Variants in PCBP2 observed in about 807,000 individuals in gnomAD.
The protein encoded by PCBP2 is poly(rC) binding protein 2.
Under a neutral mutation model 50.1 loss-of-function variants are expected in PCBP2, and 4 were observed. The observed-to-expected ratio is 0.08, with a 90% confidence interval of 0.04 to 0.18. The LOEUF (loss-of-function observed/expected upper bound fraction) is 0.18, where lower values mean the gene tolerates loss of function less well. PCBP2 is among the 10% of genes least tolerant of loss of function. The pLI is 1.00. For synonymous variants in PCBP2, 179 were observed against 168.0 expected (o/e 1.07, Z -0.51); for missense variants, 161 against 474.3 (o/e 0.34, Z 6.14).
intron 8 of PCBP2, among the ~76,000 whole-genome samples, chr12:53,463,650 G>A (rs1026709977): frequency 6.6e-6 from 1 of 152,100 alleles, no homozygotes; most frequent in Non-Finnish European, 1.5e-5. Flanking sequence ...TTCTATGGGG[G>A]GAATCCTAGG....
chr12:53,455,147 C>G (rs757277111), intron 2 of PCBP2, among the ~76,000 whole-genome samples, 200 bp from the exon 3 acceptor site: 1 of 152,158 alleles, frequency 6.6e-6, no homozygotes, highest in Non-Finnish European at 1.5e-5. Context: ...CAAGTCCACT[C>G]CCCCCAATAA....
At chr12:53,467,157 G>C in intron 10 of PCBP2, 64 bp from the exon 11 acceptor site, 1 of 1,279,930 alleles carries the variant, frequency 7.8e-7, no homozygotes, top group Non-Finnish European at 1.1e-6. Context: ...TTTCAAATTC[G>C]AATGTGCTTG....
intron 14 of PCBP2, among the ~76,000 whole-genome samples, chr12:53,472,557 A>G (rs954741152): frequency 2.0e-5 from 3 of 152,206 alleles, no homozygotes; most frequent in Non-Finnish European, 2.9e-5. Flanking sequence ...ATTGCTTACT[A>G]ATATTTCAAA....
chr12:53,463,543 C>T (rs56810235), intron 8 of PCBP2, among the ~76,000 whole-genome samples: 3,387 of 152,114 alleles, frequency 0.022, 128 homozygotes, highest in African/African-American at 0.077. Flanking sequence ...TTATAAGTAA[C>T]CTAGAGATGA....
intron 6 of PCBP2, chr12:53,460,150 T>C (rs1031313335): frequency 8.6e-6 from 2 of 231,484 alleles, no homozygotes; most frequent in African/African-American, 4.6e-5. Flanking sequence ...TACATCTTTT[T>C]TTTTTTTTTT....
chr12:53,455,440 T>C, intron 3 of PCBP2, 21 bp from the exon 4 acceptor site: 4 of 1,614,122 alleles, frequency 2.5e-6, no homozygotes, highest in Non-Finnish European at 3.4e-6. Flanking sequence ...TTGGAGCTCA[T>C]GCTTGACTTT....
At chr12:53,468,989 G>A (rs937755207) in intron 13 of PCBP2, among the ~76,000 whole-genome samples, 157 bp downstream of exon 13, 5 of 137,452 alleles carry the variant, frequency 3.6e-5, no homozygotes, top group Non-Finnish European at 7.6e-5. Context: ...CGCAGCCTCC[G>A]CCTCCCGGGT....
chr12:53,466,317 T>G (rs1941819862), intron 10 of PCBP2, among the ~76,000 whole-genome samples: 5 of 152,232 alleles, frequency 3.3e-5, no homozygotes, highest in African/African-American at 1.2e-4. Flanking sequence ...CTTCCTTGCA[T>G]GCAGTTCTCT....
At chr12:53,479,352 G>A in intron 14 of PCBP2, 54 bp from the exon 15 acceptor site, 1 of 1,474,416 alleles carries the variant, frequency 6.8e-7, no homozygotes, top group Non-Finnish European at 9.5e-7. Context: ...AGGTAGAGAT[G>A]AGGTGCAGCT....
chr12:53,471,824 T>G lies in PCBP2; in HGVS notation c.1052+17T>G, dbSNP rs771386399. ...CAATGTCAGGTAAGATTGCTCTACCTTTTGTCTTATTTATGCCAACACAGT... is the reference window on the plus strand; with the variant it reads ...CAATGTCAGGTAAGATTGCTCTACCGTTTGTCTTATTTATGCCAACACAGT... On this transcript the variant is annotated intron_variant, in intron 14 of 14. Coordinates refer to ENST00000546463, the MANE Select transcript of PCBP2 (RefSeq NM_031989.5). The G allele has an allele frequency of 1.2e-6, 2 of 1,603,758 alleles. No individual in the cohort carries two copies. Among genetic ancestry groups the G allele is most frequent in the South Asian group, 1.1e-5 (1 of 89,952 alleles).
intron 2 of PCBP2, 120 bp from the exon 3 acceptor site, chr12:53,455,227 A>G (rs1565855679): frequency 3.2e-6 from 3 of 947,256 alleles, no homozygotes; most frequent in Non-Finnish European, 4.7e-6. Context: ...TAGACAGTTA[A>G]AATTCCTTTT....
At chr12:53,458,272 G>A (rs774537939) in intron 5 of PCBP2, among the ~76,000 whole-genome samples, 49 of 150,786 alleles carry the variant, frequency 3.2e-4, no homozygotes, top group Non-Finnish European at 7.0e-4. Context: ...AAATAGGGTT[G>A]CATTGTTTTA....
intron 1 of PCBP2, chr12:53,454,494 C>G (rs1271798064): frequency 9.6e-6 from 3 of 313,300 alleles, no homozygotes; most frequent in African/African-American, 6.5e-5. Context: ...TCCTGAGAGT[C>G]AGCGGAAACC....
At chr12:53,467,717 G>GT (rs1217975531) in intron 11 of PCBP2, 88 bp from the exon 12 acceptor site, 1 of 1,051,302 alleles carries the variant, frequency 9.5e-7, no homozygotes, top group Non-Finnish European at 1.4e-6. Context: ...ATTTTGTTTC[G>GT]TTTTTGGGGC....
At chr12:53,471,845 A>G (rs1279189707) in intron 14 of PCBP2, 38 bp downstream of exon 14, 1 of 1,579,998 alleles carries the variant, frequency 6.3e-7, no homozygotes, top group African/African-American at 1.3e-5. Context: ...TTATGCCAAC[A>G]CAGTAATGTG....
At chr12:53,464,595 C>T in intron 8 of PCBP2, 165 bp from the exon 9 acceptor site, 1 of 879,638 alleles carries the variant, frequency 1.1e-6, no homozygotes, top group Non-Finnish European at 1.6e-6. Context: ...CACTAGGTAA[C>T]TTTTTTTTTT....
chr12:53,477,105 T>C (rs1247967750), intron 14 of PCBP2, among the ~76,000 whole-genome samples: 1 of 152,024 alleles, frequency 6.6e-6, no homozygotes, highest in Non-Finnish European at 1.5e-5. Flanking sequence ...AGCATCCCCT[T>C]CTCCCTGCGT....
At chr12:53,479,081 T>G (rs919771308) in intron 14 of PCBP2, among the ~76,000 whole-genome samples, 2 of 152,084 alleles carry the variant, frequency 1.3e-5, no homozygotes, top group South Asian at 4.2e-4. Flanking sequence ...TGCTTCTGTG[T>G]ATTGTGAGCA....
chr12:53,463,382 T>C (rs1941588480), intron 8 of PCBP2, among the ~76,000 whole-genome samples: 1 of 152,194 alleles, frequency 6.6e-6, no homozygotes, highest in South Asian at 2.1e-4. Flanking sequence ...GTTGGCCCTT[T>C]GTGGGTTCCA....
Sources: gnomAD v4.1 joint callset for allele counts (sites outside exome capture counted in the v4.1 genomes callset) on GRCh38, gnomAD v4.1.1 for gene constraint, MANE v1.5 for transcripts, NCBI Gene and HGNC (gene_info 2026-07-23, HGNC 2026-07-21) for gene names.